The following BEND7 variants were observed in gnomAD, a reference collection of about 807,000 sequenced individuals.
BEND7 encodes the protein BEN domain containing 7, also known as BEN domain-containing protein 7.
Under a neutral mutation model 50.9 loss-of-function variants are expected in BEND7, and 28 were observed. The observed-to-expected ratio is 0.55, with a 90% CI of 0.41 to 0.75. The LOEUF (loss-of-function observed/expected upper bound fraction) is 0.75, where lower values mean the gene tolerates loss of function less well. BEND7 is among the 30% of genes least tolerant of loss of function. The pLI is 0.00. For synonymous variants in BEND7, 170 were observed against 183.9 expected (o/e 0.92, Z 0.61); for missense variants, 477 against 491.3 (o/e 0.97, Z 0.28).
In BEND7 at chr10:13,441,620, C is replaced by A; in HGVS notation, c.*123G>T. 3 of 1,557,676 alleles carry A rather than the reference C, an allele frequency of 1.9e-6. No homozygotes were observed. The stretch of plus-strand genomic sequence containing the variant: ...GCAACATACTCATCCTATTTTAACA[C>A]GGCGAAAGGTCACCAATTAATCTTC... On this transcript the variant is annotated 3_prime_UTR_variant, in exon 9 of 9. Coordinates refer to ENST00000466271, the MANE Select transcript of BEND7 (RefSeq NM_001369863.1).
chr10:13,519,492 A>G (rs978432629), intron 2 of BEND7, among the ~76,000 whole-genome samples: 3 of 151,776 alleles, frequency 2.0e-5, no homozygotes, highest in African/African-American at 7.3e-5. Context: ...AAGAAAGAAA[A>G]AAAAAAAGAA....
chr10:13,522,822 T>G, intron 2 of BEND7, among the ~76,000 whole-genome samples: 1 of 152,176 alleles, frequency 6.6e-6, no homozygotes, highest in African/African-American at 2.4e-5. Flanking sequence ...CCTGTGGCAC[T>G]TCCTACTTGA....
At chr10:13,461,547 A>T (rs1840211196) in intron 6 of BEND7, among the ~76,000 whole-genome samples, 1 of 152,344 alleles carries the variant, frequency 6.6e-6, no homozygotes, top group African/African-American at 2.4e-5. Context: ...ATCCTGGCCA[A>T]CATGGCCAAA....
Position 13,441,104 on chromosome 10 carries a change from T to C in BEND7, c.*639A>G. Reference sequence around the variant, plus strand: ...GCACGCACGTTCAATTAAAGTAATTTATTGTATTCTTCCAGATCAGACATA... The same window carrying C: ...GCACGCACGTTCAATTAAAGTAATTCATTGTATTCTTCCAGATCAGACATA... On this transcript the variant is annotated 3_prime_UTR_variant, in exon 9 of 9. Coordinates refer to ENST00000466271, the MANE Select transcript of BEND7 (RefSeq NM_001369863.1). The C allele has an allele frequency of 5.1e-6, 5 of 985,386 alleles. No homozygotes were observed. The highest frequency in any genetic ancestry group is 4.8e-6 in the Non-Finnish European group (4 of 829,874). The allele number at this position is 985,386 out of a possible 1,614,324, so 61.0% of individuals were successfully genotyped here. A position where few individuals can be genotyped will look rare whatever the true frequency, so the allele number is the denominator to read the frequency against.
rs544182502 is a variant in BEND7, at chr10:13,460,571, T to A, written c.1064-7913A>T. Among the ~76,000 whole-genome samples, 9 of 152,292 alleles carry A rather than the reference T, an allele frequency of 5.9e-5. No individual in the cohort carries two copies. In the South Asian group the frequency reaches 1.2e-3, roughly 21 times the overall value. ...AGCCTGACTCTTCACGCGTCCTCAA[T>A]GGCATATGACCCCCGTGTTTGGATG... On this transcript the variant is annotated intron_variant, in intron 6 of 8. Coordinates refer to ENST00000466271, the MANE Select transcript of BEND7 (RefSeq NM_001369863.1).
At chr10:13,477,498 C>T (rs1047252908) in intron 6 of BEND7, among the ~76,000 whole-genome samples, 7 of 152,050 alleles carry the variant, frequency 4.6e-5, no homozygotes, top group African/African-American at 1.4e-4. Flanking sequence ...AAAATCTCTA[C>T]GAATAACAAC....
chr10:13,505,120 A>G (rs542856081), intron 2 of BEND7, among the ~76,000 whole-genome samples: 2 of 152,254 alleles, frequency 1.3e-5, no homozygotes, highest in Non-Finnish European at 2.9e-5. Flanking sequence ...TCCATTTTAA[A>G]TATAAGTGGG....
intron 2 of BEND7, among the ~76,000 whole-genome samples, chr10:13,507,309 T>A (rs1433257720): frequency 6.6e-6 from 1 of 152,092 alleles, no homozygotes; most frequent in Non-Finnish European, 1.5e-5. Context: ...TGACTGACTC[T>A]CTCTCCCCGC....
At chr10:13,504,074 G>A (rs1890877) in intron 2 of BEND7, among the ~76,000 whole-genome samples, 102,032 of 152,078 alleles carry the variant, frequency 0.67, 35,282 homozygotes, top group East Asian at 0.78. Context: ...TTTGGGGCAG[G>A]TGGGGCAGAG....
At chr10:13,504,268 G>A (rs757843882) in intron 2 of BEND7, among the ~76,000 whole-genome samples, 5 of 152,106 alleles carry the variant, frequency 3.3e-5, no homozygotes, top group Non-Finnish European at 5.9e-5. Flanking sequence ...ACCTGGTCTC[G>A]CCTCCTAACT....
chr10:13,506,284 G>A (rs998736021), intron 2 of BEND7, among the ~76,000 whole-genome samples: 3 of 152,114 alleles, frequency 2.0e-5, no homozygotes, highest in East Asian at 1.9e-4. Flanking sequence ...TGTTGGCCCC[G>A]CATGAAAATT....
At chr10:13,511,815 G>C (rs148489800) in intron 2 of BEND7, among the ~76,000 whole-genome samples, 1 of 152,316 alleles carries the variant, frequency 6.6e-6, no homozygotes, top group African/African-American at 2.4e-5. Context: ...TTTTACCCAG[G>C]AGATGCAGAG....
At chr10:13,486,509 A>T (rs889982191) in intron 5 of BEND7, among the ~76,000 whole-genome samples, 2 of 152,222 alleles carry the variant, frequency 1.3e-5, no homozygotes, top group Non-Finnish European at 2.9e-5. Context: ...CTCGTGTCCT[A>T]CGTCAAGGCT....
intron 3 of BEND7, 58 bp from the exon 4 acceptor site, chr10:13,496,946 T>C (rs74902034): frequency 1.0e-5 from 7 of 693,184 alleles, no homozygotes; most frequent in East Asian, 5.0e-5. Context: ...AAAAAAAAAA[T>C]CATAAAGAGG....
chr10:13,472,599 T>A (rs1017615256), intron 6 of BEND7, among the ~76,000 whole-genome samples: 3 of 151,448 alleles, frequency 2.0e-5, no homozygotes, highest in Admixed American at 6.6e-5. Flanking sequence ...ATACCCGTCA[T>A]CACTGTTAAG....
At chr10:13,518,601 A>G (rs372391168) in intron 2 of BEND7, among the ~76,000 whole-genome samples, 22 of 152,292 alleles carry the variant, frequency 1.4e-4, no homozygotes, top group African/African-American at 4.6e-4. Context: ...TGATTTTCCA[A>G]TTTTGGTTTC....
intron 1 of BEND7, among the ~76,000 whole-genome samples, 186 bp from the exon 2 acceptor site, chr10:13,526,407 G>A (rs1198260129): frequency 6.6e-6 from 1 of 152,170 alleles, no homozygotes; most frequent in East Asian, 1.9e-4. Context: ...TTATTCTGGA[G>A]TACGCAAACT....
At position 13,480,681 on chromosome 10, in the gene BEND7, A is replaced by G. The variant is rs552341610; in HGVS notation, c.1063+218T>C. ...AGCAGGTCAAACTGGCTCTTAAATT[A>G]TTATTTCAACAAATTAACATTACCT... is the stretch of plus-strand genomic sequence containing the variant. On this transcript the variant is annotated intron_variant, in intron 6 of 8. Coordinates refer to ENST00000466271, the MANE Select transcript of BEND7 (RefSeq NM_001369863.1). 11 of 985,268 alleles carry G rather than the reference A, an allele frequency of 1.1e-5. No individual in the cohort carries two copies. In the East Asian group the frequency reaches 7.9e-4, roughly 71 times the overall value. The allele number at this position is 985,268 out of a possible 1,614,324, so 61.0% of individuals were successfully genotyped here.
chr10:13,528,599 AGCGGCAGCG>A lies in BEND7; in HGVS notation c.-75_-67del, dbSNP rs2079569961. On this transcript the variant is annotated 5_prime_UTR_variant, in exon 1 of 9. Coordinates refer to ENST00000466271, the MANE Select transcript of BEND7 (RefSeq NM_001369863.1). ...CAGCGGCGGCAGCGGCAGCGGCGGC[AGCGGCAGCG>A]GCGGCGCGGGCTCGTGTCACCGCGG... 2.8e-6 allele frequency: 2 copies of A among 706,910 alleles called. No homozygotes were observed. The highest frequency in any genetic ancestry group is 2.0e-4 in the Admixed American group (1 of 5,122). The allele number at this position is 706,910 out of a possible 1,614,324, so 43.8% of individuals were successfully genotyped here. A position where few individuals can be genotyped will look rare whatever the true frequency, so the allele number is the denominator to read the frequency against.
Sources: allele counts gnomAD v4.1 joint callset (sites outside exome capture counted in the v4.1 genomes callset), GRCh38; gene constraint gnomAD v4.1.1; transcripts MANE v1.5; gene names NCBI Gene and HGNC (gene_info 2026-07-23, HGNC 2026-07-21).